The following QTMAN variants were observed in gnomAD, a reference collection of about 807,000 sequenced individuals.
The protein encoded by QTMAN is tRNA-queuosine alpha-mannosyltransferase.
chr2:144,106,573 G>A, the QTMAN span, among the ~76,000 whole-genome samples: 1 of 152,182 alleles, frequency 6.6e-6, no homozygotes, highest in South Asian at 2.1e-4. Context: ...AAACATATAT[G>A]CACCCAATAC....
At chr2:144,084,437 G>C in the QTMAN span, among the ~76,000 whole-genome samples, 1 of 152,144 alleles carries the variant, frequency 6.6e-6, no homozygotes, top group African/African-American at 2.4e-5. Context: ...CTGGAAAATA[G>C]ACACTTACCA....
At chr2:144,194,618 A>G in the QTMAN span, among the ~76,000 whole-genome samples, 2 of 152,242 alleles carry the variant, frequency 1.3e-5, no homozygotes, top group African/African-American at 2.4e-5. Flanking sequence ...GAACAAATAC[A>G]TTAGTCGGTA....
chr2:144,164,187 G>A, the QTMAN span, among the ~76,000 whole-genome samples: 1 of 152,068 alleles, frequency 6.6e-6, no homozygotes, highest in East Asian at 1.9e-4. Flanking sequence ...GCCTCCCAAA[G>A]TGCTGGGATT....
the QTMAN span, among the ~76,000 whole-genome samples, chr2:144,138,849 A>C: frequency 6.6e-6 from 1 of 152,122 alleles, no homozygotes; most frequent in Admixed American, 6.6e-5. Flanking sequence ...CCAGGTAGTC[A>C]AAGGGCCCAT....
the QTMAN span, among the ~76,000 whole-genome samples, chr2:144,012,364 C>T: frequency 6.6e-6 from 1 of 152,124 alleles, no homozygotes; most frequent in Non-Finnish European, 1.5e-5. Flanking sequence ...TTCATATCAG[C>T]CGGGAAAAGA....
chr2:144,178,886 T>C, the QTMAN span: 2 of 423,886 alleles, frequency 4.7e-6, no homozygotes, highest in Non-Finnish European at 9.6e-6. Context: ...ATTTTCAATG[T>C]TGACCTGCTT....
chr2:144,240,662 C>T, the QTMAN span, among the ~76,000 whole-genome samples: 1 of 152,158 alleles, frequency 6.6e-6, no homozygotes, highest in South Asian at 2.1e-4. Context: ...AACATAAAAT[C>T]CACCCTAGAG....
the QTMAN span, among the ~76,000 whole-genome samples, chr2:144,186,637 T>C: frequency 6.6e-6 from 1 of 152,214 alleles, no homozygotes; most frequent in Non-Finnish European, 1.5e-5. Flanking sequence ...GCTTGATGAT[T>C]GAGCCTGTTT....
the QTMAN span, among the ~76,000 whole-genome samples, chr2:144,036,758 G>C: frequency 1.3e-5 from 2 of 152,234 alleles, no homozygotes; most frequent in African/African-American, 4.8e-5. Flanking sequence ...CATTCCTGTG[G>C]TGCTCCTGTT....
chr2:144,312,111 G>T, the QTMAN span, among the ~76,000 whole-genome samples: 3 of 151,618 alleles, frequency 2.0e-5, no homozygotes, highest in Non-Finnish European at 4.4e-5. Flanking sequence ...CAGCAGAGGG[G>T]TCATCAGTTA....
At chr2:144,035,141 T>C in the QTMAN span, among the ~76,000 whole-genome samples, 1 of 152,276 alleles carries the variant, frequency 6.6e-6, no homozygotes, top group African/African-American at 2.4e-5. Context: ...TGAGTTCTTG[T>C]CCTACTTGGT....
At chr2:144,063,005 T>A in the QTMAN span, among the ~76,000 whole-genome samples, 4 of 152,128 alleles carry the variant, frequency 2.6e-5, no homozygotes, top group African/African-American at 4.8e-5. Context: ...CAGGCTAGAG[T>A]AATTGATTCA....
At chr2:144,260,162 T>C in the QTMAN span, among the ~76,000 whole-genome samples, 1 of 152,248 alleles carries the variant, frequency 6.6e-6, no homozygotes, top group Admixed American at 6.5e-5. Context: ...TAATGCGAAT[T>C]CCTTATTGTA....
the QTMAN span, among the ~76,000 whole-genome samples, chr2:143,976,605 T>G: frequency 6.6e-6 from 1 of 152,186 alleles, no homozygotes; most frequent in Non-Finnish European, 1.5e-5. Context: ...GGATCAGCTT[T>G]GGTTTCCCTC....
At chr2:144,102,024 A>G in the QTMAN span, among the ~76,000 whole-genome samples, 264 of 152,326 alleles carry the variant, frequency 1.7e-3, 4 homozygotes, top group African/African-American at 5.9e-3. Context: ...AATTCTCACA[A>G]AACCCCTTGT....
At chr2:144,249,367 C>T in the QTMAN span, among the ~76,000 whole-genome samples, 1 of 152,192 alleles carries the variant, frequency 6.6e-6, no homozygotes, top group Non-Finnish European at 1.5e-5. Flanking sequence ...TCAACAGCTA[C>T]TTTTCAGCAC....
chr2:143,992,717 C>T, the QTMAN span, among the ~76,000 whole-genome samples: 1 of 152,112 alleles, frequency 6.6e-6, no homozygotes, highest in East Asian at 1.9e-4. Flanking sequence ...AAAAGCAATT[C>T]TTAAGGATGT....
the QTMAN span, among the ~76,000 whole-genome samples, chr2:144,173,351 C>T: frequency 1.3e-5 from 2 of 152,152 alleles, no homozygotes; most frequent in African/African-American, 2.4e-5. Context: ...TATGTGATTA[C>T]ATTACATAAG....
chr2:144,066,159 T>C, the QTMAN span, among the ~76,000 whole-genome samples: 1 of 151,984 alleles, frequency 6.6e-6, no homozygotes, highest in Non-Finnish European at 1.5e-5. Flanking sequence ...TTCCTTTTCT[T>C]TTTTTTTCTT....
Sources: allele counts gnomAD v4.1 joint callset (sites outside exome capture counted in the v4.1 genomes callset), GRCh38; gene constraint gnomAD v4.1.1; transcripts MANE v1.5; gene names NCBI Gene and HGNC (gene_info 2026-07-23, HGNC 2026-07-21).